PDE10A: variants seen among roughly 807,000 people sequenced by gnomAD.
PDE10A encodes the protein cAMP and cAMP-inhibited cGMP 3',5'-cyclic phosphodiesterase 10A.
Under a neutral mutation model 97.7 loss-of-function variants are expected in PDE10A, and 39 were observed. The observed-to-expected ratio is 0.40, with a 90% CI of 0.31 to 0.52. The LOEUF is 0.52. Ranked by LOEUF, PDE10A falls within the 20% of genes least tolerant of loss-of-function variation. PDE10A has a pLI of 0.56. For synonymous variants in PDE10A, 371 were observed against 376.8 expected, an observed-to-expected ratio of 0.98 and a Z score of 0.18; for missense variants, 731 against 1,047.8, an observed-to-expected ratio of 0.70 and a Z score of 4.17.
intron 5 of PDE10A, among the ~76,000 whole-genome samples, chr6:165,440,193 T>G (rs1056729038): frequency 6.6e-6 from 1 of 152,228 alleles, no homozygotes; most frequent in Admixed American, 6.5e-5. Context: ...ACTTGATATA[T>G]GGATGACTAA....
chr6:165,941,102 G>T (rs1264217257), intron 1 of PDE10A, among the ~76,000 whole-genome samples: 4 of 152,050 alleles, frequency 2.6e-5, no homozygotes, highest in Admixed American at 2.6e-4. Context: ...CTCACACTTG[G>T]TACTCTGACC....
chr6:165,987,824 C>T (rs928698541), exon 1 of PDE10A: 1 of 427,880 alleles, frequency 2.3e-6, no homozygotes, highest in Non-Finnish European at 4.7e-6. Flanking sequence ...GGGGTTCCTC[C>T]TTCCCTCCTT....
intron 1 of PDE10A, among the ~76,000 whole-genome samples, chr6:165,854,512 G>A (rs1012944019): frequency 6.6e-6 from 1 of 152,214 alleles, no homozygotes; most frequent in Non-Finnish European, 1.5e-5. Context: ...GGCCAGACAA[G>A]GAGCCCTGAG....
chr6:165,838,392 C>A (rs919253831), intron 1 of PDE10A, among the ~76,000 whole-genome samples: 2 of 152,000 alleles, frequency 1.3e-5, no homozygotes, highest in Non-Finnish European at 2.9e-5. Context: ...TAATATTTTT[C>A]CACTTTTTAA....
intron 2 of PDE10A, among the ~76,000 whole-genome samples, chr6:165,541,416 A>G (rs1178002956): frequency 3.3e-5 from 5 of 152,232 alleles, no homozygotes; most frequent in Admixed American, 1.3e-4. Context: ...TGTGTTCAAT[A>G]AAGTATTATT....
intron 1 of PDE10A, among the ~76,000 whole-genome samples, chr6:165,691,219 A>C (rs1023128246): frequency 3.6e-4 from 50 of 137,910 alleles, no homozygotes; most frequent in African/African-American, 1.5e-3. Context: ...ACACACACAC[A>C]CACACACACA....
At chr6:165,532,326 C>T (rs558808720) in intron 2 of PDE10A, among the ~76,000 whole-genome samples, 1 of 151,176 alleles carries the variant, frequency 6.6e-6, no homozygotes, top group African/African-American at 2.4e-5. Flanking sequence ...GCTAGATAAG[C>T]GCATATCTAG....
chr6:165,750,002 C>A (rs1415554026), intron 1 of PDE10A, among the ~76,000 whole-genome samples: 2 of 152,158 alleles, frequency 1.3e-5, no homozygotes, highest in Non-Finnish European at 1.5e-5. Flanking sequence ...TTTGATACTT[C>A]CTGGTCCTCA....
intron 3 of PDE10A, among the ~76,000 whole-genome samples, chr6:165,458,868 C>G (rs1225329298): frequency 6.6e-6 from 1 of 152,054 alleles, no homozygotes; most frequent in Non-Finnish European, 1.5e-5. Flanking sequence ...TAAATAAAAA[C>G]CCACATTCAC....
intron 1 of PDE10A, among the ~76,000 whole-genome samples, chr6:165,726,594 C>T (rs1464181311): frequency 6.6e-6 from 1 of 151,546 alleles, no homozygotes; most frequent in Non-Finnish European, 1.5e-5. Flanking sequence ...TGGTCCACAC[C>T]TCCTGACAGG....
At chr6:165,977,208 T>C (rs1224086008) in intron 1 of PDE10A, among the ~76,000 whole-genome samples, 2 of 152,062 alleles carry the variant, frequency 1.3e-5, no homozygotes, top group African/African-American at 2.4e-5. Context: ...ATAAAGAAGG[T>C]TGGAAATCAA....
At chr6:165,910,772 A>C (rs751196040) in intron 1 of PDE10A, 7 of 152,200 alleles carry the variant, frequency 4.6e-5, no homozygotes, top group Non-Finnish European at 7.3e-5. Context: ...TTGCAAAGCC[A>C]ATGAGAAAGA....
intron 1 of PDE10A, among the ~76,000 whole-genome samples, chr6:165,649,308 A>G (rs756775212): frequency 6.6e-6 from 1 of 152,220 alleles, no homozygotes; most frequent in African/African-American, 2.4e-5. Flanking sequence ...AGCTGTCACC[A>G]CTAGAAGCAG....
At chr6:165,500,809 G>A (rs1007605023) in intron 2 of PDE10A, among the ~76,000 whole-genome samples, 1 of 152,094 alleles carries the variant, frequency 6.6e-6, no homozygotes, top group Non-Finnish European at 1.5e-5. Context: ...TGTAAAACCC[G>A]ATTGTATGTT....
intron 1 of PDE10A, among the ~76,000 whole-genome samples, chr6:165,744,512 C>T (rs965073938): frequency 3.9e-5 from 6 of 152,146 alleles, no homozygotes; most frequent in South Asian, 2.1e-4. Context: ...GTGGCCTATA[C>T]ACATTTATAA....
At chr6:165,959,194 G>A (rs142557168) in intron 1 of PDE10A, among the ~76,000 whole-genome samples, 1 of 152,294 alleles carries the variant, frequency 6.6e-6, no homozygotes, top group Non-Finnish European at 1.5e-5. Context: ...CTGTGGATGT[G>A]GAAGCCAAGG....
intron 5 of PDE10A, among the ~76,000 whole-genome samples, chr6:165,437,964 T>C (rs946338898): frequency 6.6e-6 from 1 of 152,214 alleles, no homozygotes; most frequent in African/African-American, 2.4e-5. Context: ...ATTTTGGCAG[T>C]TGAATGCATT....
intron 1 of PDE10A, among the ~76,000 whole-genome samples, chr6:165,626,916 T>C (rs1337232443): frequency 6.6e-6 from 1 of 152,180 alleles, no homozygotes; most frequent in Non-Finnish European, 1.5e-5. Flanking sequence ...CGGGCTTAGT[T>C]TAGATGTCTG....
chr6:165,538,259 C>G (rs1450653258), intron 2 of PDE10A, among the ~76,000 whole-genome samples: 1 of 151,854 alleles, frequency 6.6e-6, no homozygotes, highest in Non-Finnish European at 1.5e-5. Flanking sequence ...AAAAAGAAAA[C>G]TTCAATTATT....
Sources: gnomAD v4.1 joint callset for allele counts (sites outside exome capture counted in the v4.1 genomes callset) on GRCh38, gnomAD v4.1.1 for gene constraint, MANE v1.5 for transcripts, NCBI Gene and HGNC (gene_info 2026-07-23, HGNC 2026-07-21) for gene names.